Variants in FANCC observed in about 807,000 individuals in gnomAD.
FANCC encodes Fanconi anemia group C protein.
FANCC carries 55 observed loss-of-function variants against 71.3 expected under a neutral mutation model. That is an observed-to-expected ratio of 0.77 (90% CI 0.62 to 0.97). FANCC has a LOEUF of 0.97. Ranked by LOEUF, FANCC falls within the 50% of genes least tolerant of loss-of-function variation. The pLI, the probability that FANCC is intolerant of heterozygous loss-of-function variation, is 0.00. For synonymous variants in FANCC, 275 were observed against 244.9 expected (o/e 1.12, Z -1.15); for missense variants, 678 against 670.9 (o/e 1.01, Z -0.12).
At chr9:95,162,936 T>A (rs1228678413) in intron 6 of FANCC, among the ~76,000 whole-genome samples, 1 of 152,226 alleles carries the variant, frequency 6.6e-6, no homozygotes, top group African/African-American at 2.4e-5. Context: ...TTGCTTCCTT[T>A]GTTGCACAGA....
chr9:95,237,733 T>C (rs1256124488), intron 4 of FANCC, among the ~76,000 whole-genome samples: 1 of 152,134 alleles, frequency 6.6e-6, no homozygotes, highest in Non-Finnish European at 1.5e-5. Context: ...TAAATACAGA[T>C]CAAGAATTTC....
In FANCC at chr9:95,107,278, T is replaced by C. The variant is rs1264460608; in HGVS notation, c.1330-9A>G. The C allele has an allele frequency of 2.5e-6, 4 of 1,612,908 alleles. No individual in the cohort carries two copies. The highest frequency in any genetic ancestry group is 2.5e-6 in the Non-Finnish European group (3 of 1,179,682). ...ACGGCCTTCACCTGGACCTGGGCAA[T>C]AGTATTTCACAGGGGAGAGGTTAGG... On this transcript the variant is annotated splice_polypyrimidine_tract_variant and intron_variant, in intron 13 of 14. Transcript: ENST00000289081.
intron 3 of FANCC, among the ~76,000 whole-genome samples, chr9:95,243,043 G>C (rs1830728960): frequency 6.6e-6 from 1 of 152,180 alleles, no homozygotes; most frequent in African/African-American, 2.4e-5. Flanking sequence ...TTTATTTTTT[G>C]ATATCTGGAA....
At position 95,117,362 on chromosome 9, in the gene FANCC, G is replaced by A. The variant is rs2134693364; in HGVS notation, c.1025C>T (p.Pro342Leu). 6.2e-7 allele frequency: 1 copy of A among 1,614,060 alleles called. No homozygotes were observed. Among genetic ancestry groups the A allele is most frequent in the Non-Finnish European group, 8.5e-7 (1 of 1,180,014 alleles). Residue 342 changes from proline to leucine, a missense_variant, in exon 11 of 15, where the codon CCT becomes CTT. Physicochemically the swap from Pro to Leu is moderately conservative, Grantham distance 98. Coordinates refer to ENST00000289081, the MANE Select transcript of FANCC (RefSeq NM_000136.3). ...QLRFALKTYFPYTSPSLAMVL... is the reference protein window; with the variant it reads ...QLRFALKTYFLYTSPSLAMVL... ...CATGGCAAGAGATGGAGAAGTGTAA[G>A]GAAAGTAGGTCTTGAGTGCAAACCG...
chr9:95,247,783 T>C (rs1831083629), intron 2 of FANCC, among the ~76,000 whole-genome samples: 1 of 152,242 alleles, frequency 6.6e-6, no homozygotes, highest in Admixed American at 6.5e-5. Flanking sequence ...AAATTAATTC[T>C]ACTCATACTT....
intron 1 of FANCC, among the ~76,000 whole-genome samples, chr9:95,299,793 C>G (rs1047949795): frequency 2.6e-5 from 4 of 152,070 alleles, no homozygotes; most frequent in South Asian, 2.1e-4. Context: ...CCTGGGAGGT[C>G]GAGGCCATAG....
chr9:95,313,945 G>C (rs1364137784), intron 1 of FANCC, among the ~76,000 whole-genome samples: 1 of 152,154 alleles, frequency 6.6e-6, no homozygotes, highest in African/African-American at 2.4e-5. Flanking sequence ...ACCTGATAAA[G>C]TGCATTTATG....
intron 4 of FANCC, among the ~76,000 whole-genome samples, chr9:95,224,487 T>A (rs1296663530): frequency 6.6e-6 from 1 of 151,690 alleles, no homozygotes; most frequent in African/African-American, 2.4e-5. Flanking sequence ...AGTAATACCA[T>A]CCTTTTGAAG....
intron 4 of FANCC, among the ~76,000 whole-genome samples, chr9:95,191,278 A>AGGCCC (rs1479223896): frequency 1.3e-5 from 2 of 150,932 alleles, no homozygotes; most frequent in African/African-American, 2.4e-5. Flanking sequence ...AAACCTCACA[A>AGGCCC]GGCCCAGCCC....
At chr9:95,205,412 T>C (rs1392676216) in intron 4 of FANCC, among the ~76,000 whole-genome samples, 1 of 152,110 alleles carries the variant, frequency 6.6e-6, no homozygotes, top group Non-Finnish European at 1.5e-5. Flanking sequence ...TTTAATTATA[T>C]ATATGAAGAC....
chr9:95,155,525 T>C (rs1260221621), intron 6 of FANCC, among the ~76,000 whole-genome samples: 1 of 152,150 alleles, frequency 6.6e-6, no homozygotes. Context: ...TTCCCCTTTA[T>C]TTACATCTTT....
At chr9:95,134,922 A>T (rs1255219087) in intron 8 of FANCC, among the ~76,000 whole-genome samples, 2 of 152,028 alleles carry the variant, frequency 1.3e-5, no homozygotes, top group Non-Finnish European at 2.9e-5. Flanking sequence ...TGCTTTAACC[A>T]TTTTTCTGGG....
chr9:95,243,582 A>G (rs1830757623), intron 3 of FANCC, among the ~76,000 whole-genome samples: 1 of 151,986 alleles, frequency 6.6e-6, no homozygotes, highest in African/African-American at 2.4e-5. Flanking sequence ...CAGGAGATCA[A>G]GACCATCCTA....
chr9:95,206,678 T>C (rs1413459585), intron 4 of FANCC, among the ~76,000 whole-genome samples: 2 of 152,082 alleles, frequency 1.3e-5, no homozygotes, highest in African/African-American at 4.8e-5. Context: ...CCTTAACAGA[T>C]AGCTAAGATA....
chr9:95,240,353 G>C (rs1390667280), intron 4 of FANCC, among the ~76,000 whole-genome samples: 1 of 152,168 alleles, frequency 6.6e-6, no homozygotes, highest in Non-Finnish European at 1.5e-5. Context: ...GATAGCAATT[G>C]CTAGAGTGAA....
intron 4 of FANCC, among the ~76,000 whole-genome samples, chr9:95,221,288 G>A (rs1469944807): frequency 1.3e-5 from 2 of 152,030 alleles, no homozygotes; most frequent in East Asian, 3.9e-4. Context: ...AGAAAACAGA[G>A]AACAAATGGA....
intron 4 of FANCC, among the ~76,000 whole-genome samples, chr9:95,188,613 T>A (rs909543127): frequency 3.3e-5 from 5 of 152,206 alleles, no homozygotes; most frequent in African/African-American, 1.2e-4. Flanking sequence ...ATCTTCCTAC[T>A]CAGTAAACCT....
intron 4 of FANCC, among the ~76,000 whole-genome samples, chr9:95,188,424 G>GCAC (rs956073585): frequency 1.3e-5 from 2 of 152,068 alleles, no homozygotes; most frequent in African/African-American, 2.4e-5. Flanking sequence ...TCACACCCCA[G>GCAC]CACCATCATT....
At chr9:95,135,198 T>C in intron 8 of FANCC, 148 bp downstream of exon 8, 1 of 820,332 alleles carries the variant, frequency 1.2e-6, no homozygotes, top group East Asian at 2.7e-5. Context: ...TGTTAGTGAT[T>C]TCAAAAATAA....
Sources: gnomAD v4.1 joint callset for allele counts (sites outside exome capture counted in the v4.1 genomes callset) on GRCh38, gnomAD v4.1.1 for gene constraint, MANE v1.5 for transcripts, NCBI Gene and HGNC (gene_info 2026-07-23, HGNC 2026-07-21) for gene names.